The following HTR4 variants were observed in gnomAD, a reference collection of about 807,000 sequenced individuals.
The protein encoded by HTR4 is 5-hydroxytryptamine receptor 4.
Under a neutral mutation model 36.8 loss-of-function variants are expected in HTR4, and 16 were observed. The ratio of observed to expected loss-of-function variants is 0.43; its 90% confidence interval spans 0.29 to 0.66. The LOEUF is 0.66. Ranked by LOEUF, HTR4 falls within the 30% of genes least tolerant of loss-of-function variation. The pLI, the probability that HTR4 is intolerant of heterozygous loss-of-function variation, is 0.13. For missense variants in HTR4, 438 were observed against 490.9 expected, an observed-to-expected ratio of 0.89 and a Z score of 1.02; for synonymous variants, 189 against 185.1, an observed-to-expected ratio of 1.02 and a Z score of -0.17.
intron 5 of HTR4, among the ~76,000 whole-genome samples, chr5:148,516,252 AT>A (rs1480238948): frequency 2.7e-5 from 4 of 148,904 alleles, no homozygotes; most frequent in Non-Finnish European, 5.9e-5. Context: ...TAAATTTATC[AT>A]TATACTTATT....
Position 148,482,325 on chromosome 5 carries a change from A to T in HTR4, c.*878T>A. 1 of 985,504 alleles carries T rather than the reference A, an allele frequency of 1.0e-6. No individual in the cohort carries two copies. Among genetic ancestry groups the T allele is most frequent in the Non-Finnish European group, 1.2e-6 (1 of 830,002 alleles). The allele number at this position is 985,504 out of a possible 1,614,324, so 61.0% of individuals were successfully genotyped here. ...CATGGGAAAGATCCTGAAGCCTAAT[A>T]AACACCTACGATGTTGCTAGCCCTG... On this transcript the variant is annotated 3_prime_UTR_variant, in exon 7 of 7. Coordinates refer to ENST00000377888, the MANE Select transcript of HTR4 (RefSeq NM_000870.7).
intron 5 of HTR4, among the ~76,000 whole-genome samples, chr5:148,522,296 G>C (rs1758060239): frequency 6.6e-6 from 1 of 152,096 alleles, no homozygotes; most frequent in Non-Finnish European, 1.5e-5. Context: ...CAGCCTTATA[G>C]ACTCTCCACA....
chr5:148,513,965 T>A (rs1165059912), intron 5 of HTR4, among the ~76,000 whole-genome samples: 1 of 152,206 alleles, frequency 6.6e-6, no homozygotes, highest in African/African-American at 2.4e-5. Flanking sequence ...TGGCTATGTA[T>A]TCAGCAACTT....
chr5:148,554,088 T>G (rs111764088), intron 2 of HTR4, among the ~76,000 whole-genome samples: 2,611 of 152,110 alleles, frequency 0.017, 67 homozygotes, highest in African/African-American at 0.061. Flanking sequence ...GTTGTTGTTG[T>G]TTTTGAGATG....
chr5:148,472,106 C>G (rs933991355), downstream of HTR4, among the ~76,000 whole-genome samples: 1 of 152,290 alleles, frequency 6.6e-6, no homozygotes, highest in African/African-American at 2.4e-5. Context: ...ACAGTCCAGG[C>G]TGGCCACAGT....
intron 2 of HTR4, among the ~76,000 whole-genome samples, chr5:148,577,841 G>A (rs1024277127): frequency 6.6e-6 from 1 of 151,920 alleles, no homozygotes; most frequent in Non-Finnish European, 1.5e-5. Flanking sequence ...AGAGGAGGGA[G>A]GAGAGCAGAA....
At chr5:148,615,815 G>A (rs892513930) in intron 2 of HTR4, among the ~76,000 whole-genome samples, 2 of 152,188 alleles carry the variant, frequency 1.3e-5, no homozygotes, top group African/African-American at 4.8e-5. Flanking sequence ...GTAAAATGCT[G>A]ATTCAGGACT....
chr5:148,610,557 T>C (rs889933692), intron 2 of HTR4, among the ~76,000 whole-genome samples: 1 of 151,616 alleles, frequency 6.6e-6, no homozygotes, highest in African/African-American at 2.4e-5. Context: ...CAAAAGTAGA[T>C]AAAACCACAA....
chr5:148,613,237 T>C (rs1212153018), intron 2 of HTR4, among the ~76,000 whole-genome samples: 2 of 147,806 alleles, frequency 1.4e-5, no homozygotes, highest in Non-Finnish European at 3.0e-5. Flanking sequence ...AAAAAGAGAA[T>C]TTTAGACCAA....
intron 2 of HTR4, among the ~76,000 whole-genome samples, chr5:148,556,398 G>A (rs1466123471): frequency 6.6e-6 from 1 of 152,140 alleles, no homozygotes; most frequent in African/African-American, 2.4e-5. Flanking sequence ...AAATTCACTT[G>A]ACTTTTCTGA....
chr5:148,586,047 C>G (rs556585517), intron 2 of HTR4, among the ~76,000 whole-genome samples: 2 of 152,310 alleles, frequency 1.3e-5, no homozygotes, highest in East Asian at 3.9e-4. Context: ...TTATCATTCT[C>G]TACCTCACTC....
At chr5:148,644,421 A>ATTTT (rs1753815914) in intron 1 of HTR4, among the ~76,000 whole-genome samples, 2 of 85,854 alleles carry the variant, frequency 2.3e-5, no homozygotes, top group African/African-American at 9.0e-5. Context: ...CAAGCTCACA[A>ATTTT]GTTTTTTTTT....
downstream of HTR4, among the ~76,000 whole-genome samples, chr5:148,475,399 G>A (rs1755671217): frequency 1.3e-5 from 2 of 152,176 alleles, no homozygotes; most frequent in South Asian, 4.1e-4. Flanking sequence ...GCTCAATAAA[G>A]TTGCATCCTT....
At chr5:148,485,445 T>C (rs1023293184) in intron 6 of HTR4, among the ~76,000 whole-genome samples, 1 of 152,228 alleles carries the variant, frequency 6.6e-6, no homozygotes, top group Non-Finnish European at 1.5e-5. Context: ...TCGCTGTCTC[T>C]AGCATTTCTT....
chr5:148,520,026 C>T (rs962650311), intron 5 of HTR4, among the ~76,000 whole-genome samples: 13 of 152,164 alleles, frequency 8.5e-5, no homozygotes, highest in African/African-American at 2.4e-4. Flanking sequence ...CACAAACACA[C>T]ATCAAACAAG....
chr5:148,653,511 G>A (rs1469028123), intron 1 of HTR4, among the ~76,000 whole-genome samples: 1 of 152,130 alleles, frequency 6.6e-6, no homozygotes, highest in Non-Finnish European at 1.5e-5. Context: ...TGACCGCCAA[G>A]GCTTTATGCA....
chr5:148,628,735 G>A (rs962758680), intron 2 of HTR4: 73 of 152,174 alleles, frequency 4.8e-4, no homozygotes, highest in African/African-American at 1.7e-3. Flanking sequence ...CAAAAATTGT[G>A]CTTTGTAGGA....
At position 148,604,086 on chromosome 5, in the gene HTR4, T is replaced by C. The variant is rs78901126; in HGVS notation, c.26+32903A>G. Among the ~76,000 whole-genome samples the C allele has an allele frequency of 1.7e-3, 262 of 152,172 alleles. 2 individuals carry two copies. Among genetic ancestry groups the C allele is most frequent in the African/African-American group, 6.2e-3 (256 of 41,544 alleles). The stretch of plus-strand genomic sequence containing the variant: ...AGTAATATAGTTTCTAGAGAAAAAC[T>C]TATGGGTTTTCTCTTCACGACCTTG... On this transcript the variant is annotated intron_variant, in intron 2 of 6. Coordinates refer to ENST00000377888, the MANE Select transcript of HTR4 (RefSeq NM_000870.7).
At chr5:148,513,066 A>G (rs895454417) in intron 5 of HTR4, among the ~76,000 whole-genome samples, 3 of 151,782 alleles carry the variant, frequency 2.0e-5, no homozygotes, top group African/African-American at 7.3e-5. Context: ...TGTGCTCACT[A>G]CAACCTCTGA....
Sources: allele counts gnomAD v4.1 joint callset (sites outside exome capture counted in the v4.1 genomes callset), GRCh38; gene constraint gnomAD v4.1.1; transcripts MANE v1.5; gene names NCBI Gene and HGNC (gene_info 2026-07-23, HGNC 2026-07-21).